Variants in ANXA10 observed in about 807,000 individuals in gnomAD.
The protein encoded by ANXA10 is annexin 14.
ANXA10 carries 49 observed loss-of-function variants against 53.5 expected under a neutral mutation model. The observed-to-expected ratio is 0.92, with a 90% CI of 0.73 to 1.16. ANXA10 has a LOEUF of 1.16. Among genes scored for constraint, ANXA10 ranks in the 50% most tolerant of loss-of-function variants. ANXA10 has a pLI of 0.00. For missense variants in ANXA10, 393 were observed against 394.4 expected, an observed-to-expected ratio of 1.00 and a Z score of 0.03; for synonymous variants, 131 against 128.9, an observed-to-expected ratio of 1.02 and a Z score of -0.11.
At chr4:168,121,431 T>C (rs1730983579) in intron 1 of ANXA10, among the ~76,000 whole-genome samples, 1 of 152,194 alleles carries the variant, frequency 6.6e-6, no homozygotes, top group African/African-American at 2.4e-5. Context: ...CTTCAAAAAG[T>C]AACATGACAT....
intron 1 of ANXA10, among the ~76,000 whole-genome samples, chr4:168,110,024 G>A (rs918090103): frequency 5.3e-5 from 8 of 152,010 alleles, no homozygotes; most frequent in Non-Finnish European, 1.2e-4. Flanking sequence ...TCCTGGCGAA[G>A]ACGGTGAAAC....
intron 6 of ANXA10, among the ~76,000 whole-genome samples, chr4:168,175,575 CT>C (rs1268224971): frequency 1.3e-5 from 2 of 152,162 alleles, no homozygotes; most frequent in African/African-American, 4.8e-5. Flanking sequence ...CCTAAGGTAC[CT>C]GCACCTCAAC....
intron 6 of ANXA10, among the ~76,000 whole-genome samples, chr4:168,168,256 C>CA (rs1731918274): frequency 1.3e-5 from 2 of 152,256 alleles, no homozygotes; most frequent in Admixed American, 1.3e-4. Flanking sequence ...GGTTTCTTCA[C>CA]AGAAGTGTTC....
intron 3 of ANXA10, among the ~76,000 whole-genome samples, chr4:168,156,108 T>TATATTATATATAAA (rs1553957710): frequency 4.8e-5 from 2 of 41,372 alleles, no homozygotes; most frequent in African/African-American, 1.1e-4. Flanking sequence ...TATATAAATA[T>TATATTATATATAAA]TATATTTATT....
chr4:168,187,259 AG>A, intron 11 of ANXA10, 106 bp from the exon 12 acceptor site: 1 of 575,872 alleles, frequency 1.7e-6, no homozygotes, highest in Non-Finnish European at 2.8e-6. Flanking sequence ...AAGTTTAGAA[AG>A]GCTAATGGTC....
chr4:168,148,826 T>C (rs1731448020), intron 3 of ANXA10, among the ~76,000 whole-genome samples: 1 of 152,168 alleles, frequency 6.6e-6, no homozygotes, highest in Non-Finnish European at 1.5e-5. Flanking sequence ...AACAAATAAA[T>C]GTTAAATTAT....
At chr4:168,109,015 T>C (rs1410371784) in intron 1 of ANXA10, among the ~76,000 whole-genome samples, 1 of 152,234 alleles carries the variant, frequency 6.6e-6, no homozygotes, top group Non-Finnish European at 1.5e-5. Flanking sequence ...CTAGGGAATC[T>C]GTTCTTCACT....
intron 1 of ANXA10, among the ~76,000 whole-genome samples, chr4:168,093,600 C>T (rs1730494570): frequency 6.6e-6 from 1 of 152,038 alleles, no homozygotes; most frequent in African/African-American, 2.4e-5. Flanking sequence ...TGGCGTGAAC[C>T]CGGGAGGCGG....
chr4:168,128,124 T>A lies in ANXA10; in HGVS notation c.59T>A (p.Ile20Lys), dbSNP rs754911721. Residue 20 changes from isoleucine (I) to lysine (K), a missense_variant, in exon 2 of 12, where the codon ATA becomes AAA. By Grantham distance (102) the Ile-to-Lys change is moderately radical (BLOSUM62 -3). Transcript: ENST00000359299. ...TTCCCAGCTCCCAATTTCAATCCCATAATGGATGCCCAAATGCTAGGAGGA... is the reference window on the plus strand; with the variant it reads ...TTCCCAGCTCCCAATTTCAATCCCAAAATGGATGCCCAAATGCTAGGAGGA... ...TIFPAPNFNP[I>K]MDAQMLGGAL... 5.0e-6 allele frequency: 8 copies of A among 1,613,500 alleles called. No homozygotes were observed. In the East Asian group the frequency reaches 1.8e-4, roughly 36 times the overall value.
intron 3 of ANXA10, among the ~76,000 whole-genome samples, chr4:168,141,323 A>T (rs1002128759): frequency 6.6e-6 from 1 of 152,120 alleles, no homozygotes. Flanking sequence ...ATTTCTCTTC[A>T]CACATTTCTC....
At chr4:168,107,775 T>C (rs139579785) in intron 1 of ANXA10, among the ~76,000 whole-genome samples, 3 of 152,252 alleles carry the variant, frequency 2.0e-5, no homozygotes, top group Non-Finnish European at 2.9e-5. Context: ...CTCATAAAGA[T>C]ACTAATCCCA....
chr4:168,184,414 C>T lies in ANXA10; in HGVS notation c.784-145C>T. 3.3e-6 allele frequency: 3 copies of T among 902,554 alleles called. No homozygotes were observed. The South Asian group carries it at 4.9e-5, about 15-fold the overall frequency. 55.9% of individuals were successfully genotyped at this position (902,554 alleles called of 1,614,324 possible). On this transcript the variant is annotated intron_variant, in intron 10 of 11. Transcript: ENST00000359299. Reference sequence around the variant, plus strand: ...GACAGAAATGACTCAGGATCTGAACCACAGCCTGTGTGGCCAGTGATGCCA... The same window carrying T: ...GACAGAAATGACTCAGGATCTGAACTACAGCCTGTGTGGCCAGTGATGCCA...
intron 2 of ANXA10, among the ~76,000 whole-genome samples, chr4:168,135,411 T>C (rs111498237): frequency 3.3e-5 from 5 of 152,312 alleles, no homozygotes; most frequent in Admixed American, 1.3e-4. Flanking sequence ...GAGACTTACA[T>C]CTCTAAGAGG....
chr4:168,148,405 T>G (rs1006557641), intron 3 of ANXA10, among the ~76,000 whole-genome samples: 2 of 152,148 alleles, frequency 1.3e-5, no homozygotes, highest in Non-Finnish European at 2.9e-5. Flanking sequence ...GACCTTGTGA[T>G]CCACCCGCCT....
intron 3 of ANXA10, among the ~76,000 whole-genome samples, chr4:168,148,017 TAC>T (rs1454053426): frequency 1.3e-5 from 2 of 152,190 alleles, no homozygotes; most frequent in African/African-American, 4.8e-5. Flanking sequence ...GGTTTTGGCC[TAC>T]ACAAAGTCCT....
At chr4:168,140,082 G>A (rs1731302225) in intron 3 of ANXA10, among the ~76,000 whole-genome samples, 1 of 152,056 alleles carries the variant, frequency 6.6e-6, no homozygotes, top group African/African-American at 2.4e-5. Flanking sequence ...CATTAAAAAA[G>A]AATGGCAGTT....
At chr4:168,095,630 G>A (rs1730529479) in intron 1 of ANXA10, among the ~76,000 whole-genome samples, 3 of 151,828 alleles carry the variant, frequency 2.0e-5, no homozygotes, top group Admixed American at 1.3e-4. Context: ...AAGTTCTTTT[G>A]GAGGTACTAG....
At chr4:168,095,300 C>A (rs1730523892) in intron 1 of ANXA10, among the ~76,000 whole-genome samples, 1 of 151,934 alleles carries the variant, frequency 6.6e-6, no homozygotes, top group Non-Finnish European at 1.5e-5. Flanking sequence ...ACTATAGATT[C>A]ATTTCTTAGA....
At chr4:168,159,126 A>G (rs1731738778) in intron 3 of ANXA10, among the ~76,000 whole-genome samples, 1 of 152,208 alleles carries the variant, frequency 6.6e-6, no homozygotes. Context: ...CACAAAGTGG[A>G]CTAACACGCT....
Sources: gnomAD v4.1 joint callset for allele counts (sites outside exome capture counted in the v4.1 genomes callset) on GRCh38, gnomAD v4.1.1 for gene constraint, MANE v1.5 for transcripts, NCBI Gene and HGNC (gene_info 2026-07-23, HGNC 2026-07-21) for gene names.